The following B3GLCT variants were observed in gnomAD, a reference collection of about 807,000 sequenced individuals.
The protein encoded by B3GLCT is beta 3-glucosyltransferase.
Under a neutral mutation model 63.4 loss-of-function variants are expected in B3GLCT, and 65 were observed. That is an observed-to-expected ratio of 1.03 (90% confidence interval 0.84 to 1.26). The LOEUF is 1.26. Among genes scored for constraint, B3GLCT ranks in the 50% most tolerant of loss-of-function variants. The pLI, the probability that B3GLCT is intolerant of heterozygous loss-of-function variation, is 0.00. For missense variants in B3GLCT, 577 were observed against 604.8 expected, an observed-to-expected ratio of 0.95 and a Z score of 0.48; for synonymous variants, 233 against 219.2, an observed-to-expected ratio of 1.06 and a Z score of -0.55.
intron 6 of B3GLCT, among the ~76,000 whole-genome samples, chr13:31,250,513 C>T (rs9805284): frequency 0.37 from 56,829 of 152,102 alleles, 11,350 homozygotes; most frequent in East Asian, 0.72. Context: ...CAGGTGCTTG[C>T]AAAAAGTAAT....
chr13:31,287,261 A>G (rs1873381069), intron 12 of B3GLCT, among the ~76,000 whole-genome samples: 1 of 152,168 alleles, frequency 6.6e-6, no homozygotes, highest in South Asian at 2.1e-4. Flanking sequence ...GAGCCCCCTT[A>G]TGTATTCAAT....
chr13:31,200,025 C>T lies in B3GLCT; in HGVS notation c.-60C>T, dbSNP rs912079297. 4 of 1,132,346 alleles carry T rather than the reference C, an allele frequency of 3.5e-6. No individual in the cohort carries two copies. In the African/African-American group the frequency reaches 6.6e-5, roughly 19 times the overall value. The allele number at this position is 1,132,346 out of a possible 1,614,324, so 70.1% of individuals were successfully genotyped here. On this transcript the variant is annotated 5_prime_UTR_variant, in exon 1 of 15. Coordinates refer to ENST00000343307, the MANE Select transcript of B3GLCT (RefSeq NM_194318.4). ...GGCGGCGGCGGCAGCGGCGCAGCTC[C>T]GCTCCCCGCGCGTCTCCCTTCCCCG...
At chr13:31,312,861 G>C (rs1034693904) in intron 12 of B3GLCT, 1 of 152,236 alleles carries the variant, frequency 6.6e-6, no homozygotes, top group African/African-American at 2.4e-5. Context: ...CAAACTTCTT[G>C]TAGAGAACAG....
intron 7 of B3GLCT, 21 bp from the exon 8 acceptor site, chr13:31,269,192 TC>T: frequency 6.4e-7 from 1 of 1,572,430 alleles, no homozygotes; most frequent in Non-Finnish European, 8.7e-7. Context: ...TTAAAAAAAA[TC>T]AAATTGTCTC....
intron 1 of B3GLCT, among the ~76,000 whole-genome samples, chr13:31,203,752 C>G (rs554483830): frequency 6.6e-6 from 1 of 152,300 alleles, no homozygotes; most frequent in East Asian, 1.9e-4. Flanking sequence ...TTAATCTCAT[C>G]TTTTCCATGA....
intron 8 of B3GLCT, 26 bp from the exon 9 acceptor site, chr13:31,274,483 A>G: frequency 3.1e-6 from 5 of 1,614,114 alleles, no homozygotes; most frequent in Non-Finnish European, 4.2e-6. Context: ...TTCTTTCATC[A>G]CTGCCTGTCT....
At chr13:31,253,373 C>T (rs149383663) in intron 6 of B3GLCT, among the ~76,000 whole-genome samples, 7,256 of 151,966 alleles carry the variant, frequency 0.048, 186 homozygotes, top group East Asian at 0.052. Context: ...GGGTGGATCA[C>T]GAGGTCGGGA....
intron 2 of B3GLCT, among the ~76,000 whole-genome samples, chr13:31,217,860 A>G (rs1173391392): frequency 6.6e-6 from 1 of 152,154 alleles, no homozygotes; most frequent in Non-Finnish European, 1.5e-5. Context: ...AAGTCAGGTA[A>G]TATGATGCCT....
intron 4 of B3GLCT, 136 bp downstream of exon 4, chr13:31,229,430 A>T (rs1234933879): frequency 1.4e-6 from 1 of 707,140 alleles, no homozygotes; most frequent in African/African-American, 1.8e-5. Context: ...TGCTTATTTA[A>T]TATTGAGTAT....
chr13:31,291,141 T>C (rs1041374436), intron 12 of B3GLCT, among the ~76,000 whole-genome samples: 24 of 152,196 alleles, frequency 1.6e-4, no homozygotes, highest in African/African-American at 4.1e-4. Flanking sequence ...TTGTCAAAGA[T>C]CTGATGGTTG....
Position 31,200,045 on chromosome 13 carries a change from T to A in B3GLCT, c.-40T>A. 1 of 1,297,324 alleles carries A rather than the reference T, an allele frequency of 7.7e-7. No homozygotes were observed. The highest frequency in any genetic ancestry group is 9.9e-7 in the Non-Finnish European group (1 of 1,007,240). The allele number at this position is 1,297,324 out of a possible 1,614,324, so 80.4% of individuals were successfully genotyped here. A position where few individuals can be genotyped will look rare whatever the true frequency, so the allele number is the denominator to read the frequency against. On this transcript the variant is annotated 5_prime_UTR_variant, in exon 1 of 15. Coordinates refer to ENST00000343307, the MANE Select transcript of B3GLCT (RefSeq NM_194318.4). ...AGCTCCGCTCCCCGCGCGTCTCCCT[T>A]CCCCGCGCCCAGGTAGGGCGCTCAG...
chr13:31,321,294 A>G (rs1180629081), intron 13 of B3GLCT, among the ~76,000 whole-genome samples: 1 of 152,252 alleles, frequency 6.6e-6, no homozygotes, highest in Non-Finnish European at 1.5e-5. Flanking sequence ...GCTGTAAGAC[A>G]TAATGTTGAA....
intron 12 of B3GLCT, among the ~76,000 whole-genome samples, chr13:31,309,204 C>G (rs1291001244): frequency 6.6e-6 from 1 of 152,194 alleles, no homozygotes; most frequent in African/African-American, 2.4e-5. Context: ...TGAACCTGAG[C>G]CATTCTAGCT....
chr13:31,273,917 C>T (rs1451956627), intron 8 of B3GLCT, among the ~76,000 whole-genome samples: 1 of 152,172 alleles, frequency 6.6e-6, no homozygotes, highest in African/African-American at 2.4e-5. Context: ...GTTGGTCACA[C>T]CCCACCTTGG....
At chr13:31,306,549 G>A (rs1874410516) in intron 12 of B3GLCT, among the ~76,000 whole-genome samples, 1 of 111,708 alleles carries the variant, frequency 9.0e-6, no homozygotes, top group African/African-American at 3.8e-5. Flanking sequence ...GACAAACAGA[G>A]AGCCAAATCA....
At chr13:31,276,570 A>T in intron 9 of B3GLCT, 132 bp from the exon 10 acceptor site, 1 of 704,284 alleles carries the variant, frequency 1.4e-6, no homozygotes, top group Non-Finnish European at 2.5e-6. Context: ...CTCCCCTAAA[A>T]CTTTATGCCG....
intron 6 of B3GLCT, among the ~76,000 whole-genome samples, chr13:31,258,103 C>T (rs1871831078): frequency 6.6e-6 from 1 of 152,156 alleles, no homozygotes; most frequent in African/African-American, 2.4e-5. Context: ...AGGAATACCT[C>T]ATTCATCAGG....
chr13:31,304,078 A>G (rs1262233152), intron 12 of B3GLCT, among the ~76,000 whole-genome samples: 1 of 83,286 alleles, frequency 1.2e-5, no homozygotes, highest in East Asian at 3.8e-4. Context: ...AGCCAAACTA[A>G]GCTTCATAAG....
chr13:31,278,995 A>T (rs888911388), intron 10 of B3GLCT, among the ~76,000 whole-genome samples: 1 of 152,016 alleles, frequency 6.6e-6, no homozygotes. Flanking sequence ...TAAGTCCCAC[A>T]TTTTTTTCTA....
Sources: allele counts gnomAD v4.1 joint callset (sites outside exome capture counted in the v4.1 genomes callset), GRCh38; gene constraint gnomAD v4.1.1; transcripts MANE v1.5; gene names NCBI Gene and HGNC (gene_info 2026-07-23, HGNC 2026-07-21).